ZNF613: variants seen among roughly 807,000 people sequenced by gnomAD.
ZNF613 encodes zinc finger protein 613.
Under a neutral mutation model 14.3 loss-of-function variants are expected in ZNF613, and 8 were observed. The ratio of observed to expected loss-of-function variants is 0.56; its 90% confidence interval spans 0.33 to 1.01. The LOEUF is 1.01. Ranked by LOEUF, ZNF613 falls within the 50% of genes least tolerant of loss-of-function variation. ZNF613 has a pLI of 0.03. For missense variants in ZNF613, 656 were observed against 741.9 expected (o/e 0.88, Z 1.35); for synonymous variants, 228 against 254.5 (o/e 0.90, Z 0.99).
chr19:51,942,465 A>G lies in ZNF613; in HGVS notation c.236-1654A>G, dbSNP rs142893913. On this transcript the variant is annotated intron_variant, in intron 5 of 5. Transcript: ENST00000293471. ...TCAGATGCCTTTGAGCAGCTGTATGACAGACATGAATACGTCCCCCTGGTG... is the reference window on the plus strand; with the variant it reads ...TCAGATGCCTTTGAGCAGCTGTATGGCAGACATGAATACGTCCCCCTGGTG... Among the ~76,000 whole-genome samples, 986 of 152,282 alleles carry G rather than the reference A, an allele frequency of 6.5e-3. 11 individuals carry two copies. Among genetic ancestry groups the G allele is most frequent in the African/African-American group, 0.022 (929 of 41,542 alleles).
intron 5 of ZNF613, among the ~76,000 whole-genome samples, chr19:51,942,532 A>ATGCTGTGTGTTTTTG (rs2085358076): frequency 1.3e-5 from 2 of 152,144 alleles, no homozygotes; most frequent in Non-Finnish European, 2.9e-5. Context: ...CCAAAGGCCC[A>ATGCTGTGTGTTTTTG]AGGCAGGTGT....
chr19:51,935,935 T>C, intron 2 of ZNF613, 93 bp from the exon 3 acceptor site: 1 of 358,826 alleles, frequency 2.8e-6, no homozygotes, highest in Non-Finnish European at 5.0e-6. Flanking sequence ...AAAGGGACAG[T>C]TAGAGATGGC....
chr19:51,940,193 G>C lies in ZNF613; in HGVS notation c.16-16G>C. 3 of 1,612,422 alleles carry C rather than the reference G, an allele frequency of 1.9e-6. No homozygotes were observed. The highest frequency in any genetic ancestry group is 1.7e-6 in the Non-Finnish European group (2 of 1,178,996). On this transcript the variant is annotated splice_polypyrimidine_tract_variant and intron_variant, in intron 3 of 5. Coordinates refer to ENST00000293471, the MANE Select transcript of ZNF613 (RefSeq NM_001031721.4). ...GAGAGAAATACTTCATATTAAGCAG[G>C]ACTCTCTTATTACAGGAATCACTGA...
At chr19:51,930,417 A>G (rs1384180760) in intron 2 of ZNF613, among the ~76,000 whole-genome samples, 2 of 152,084 alleles carry the variant, frequency 1.3e-5, no homozygotes, top group Non-Finnish European at 2.9e-5. Context: ...GCCTGCTACC[A>G]TGCATGGCTA....
In ZNF613 at chr19:51,937,512, C is replaced by T. The variant is rs141270469; in HGVS notation, c.15+1277C>T. Reference sequence around the variant, plus strand: ...CTAATGTTGGAACCTAATGTGTGACCGGAGCATCCTGTGGGTTATAGTAGC... The same window carrying T: ...CTAATGTTGGAACCTAATGTGTGACTGGAGCATCCTGTGGGTTATAGTAGC... On this transcript the variant is annotated intron_variant, in intron 3 of 5. Transcript: ENST00000293471. Among the ~76,000 whole-genome samples the T allele has an allele frequency of 1.5e-3, 222 of 152,132 alleles. 2 individuals are homozygous for T. The highest frequency in any genetic ancestry group is 4.5e-3 in the African/African-American group (186 of 41,498).
intron 2 of ZNF613, among the ~76,000 whole-genome samples, chr19:51,931,786 A>G (rs962572741): frequency 2.0e-5 from 3 of 152,198 alleles, no homozygotes; most frequent in African/African-American, 7.2e-5. Context: ...CCTGGCAACC[A>G]ACTATGTGCT....
rs1318223552 is a variant in ZNF613, at chr19:51,945,916, T to C, written c.*179T>C. On this transcript the variant is annotated 3_prime_UTR_variant, in exon 6 of 6. Coordinates refer to ENST00000293471, the MANE Select transcript of ZNF613 (RefSeq NM_001031721.4). ...TATGAAGTGGAGACTGGGAAATTCT[T>C]TTATGGGAAGATAGATCTTCTCATC... The C allele has an allele frequency of 3.1e-6, 2 of 645,990 alleles. No individual in the cohort carries two copies. The highest frequency in any genetic ancestry group is 5.6e-5 in the East Asian group (2 of 35,928). The allele number at this position is 645,990 out of a possible 1,614,324, so 40.0% of individuals were successfully genotyped here. A position where few individuals can be genotyped will look rare whatever the true frequency, so the allele number is the denominator to read the frequency against.
chr19:51,945,635 A>AT lies in ZNF613; in HGVS notation c.1754dup (p.Leu585PhefsTer3), dbSNP rs1462235941. 1 of 1,614,176 alleles carries AT rather than the reference A, an allele frequency of 6.2e-7. No individual in the cohort carries two copies. The highest frequency in any genetic ancestry group is 8.5e-7 in the Non-Finnish European group (1 of 1,180,016). On this transcript the variant is annotated frameshift_variant, in exon 6 of 6. Transcript: ENST00000293471. LOFTEE classifies it low-confidence loss of function (END_TRUNC). The stretch of plus-strand genomic sequence containing the variant: ...TGCCTTCTGTGGCAGCTCAGACCTC[A>AT]TTAACTAACAGTGCGTTCCAAGCAG...
At chr19:51,929,680 CTA>C (rs1330883646) in intron 1 of ZNF613, 50 bp from the exon 2 acceptor site, 1 of 152,098 alleles carries the variant, frequency 6.6e-6, no homozygotes, top group Non-Finnish European at 1.5e-5. Flanking sequence ...ACATATCTAT[CTA>C]TATATCATCC....
At chr19:51,938,727 T>G (rs959504549) in intron 3 of ZNF613, among the ~76,000 whole-genome samples, 9 of 129,128 alleles carry the variant, frequency 7.0e-5, no homozygotes, top group Non-Finnish European at 1.2e-4. Context: ...TGTACATGGA[T>G]ATATATATAT....
chr19:51,940,163 T>C (rs1018098261), intron 3 of ZNF613, 46 bp from the exon 4 acceptor site: 1 of 1,605,288 alleles, frequency 6.2e-7, no homozygotes, highest in African/African-American at 1.3e-5. Context: ...TTCTTCCATA[T>C]AAATGAGAGA....
rs1331889328 is a variant in ZNF613 at position 51,944,350 on chromosome 19, G to A, written c.467G>A (p.Gly156Glu). 1 of 1,596,210 alleles carries A rather than the reference G, an allele frequency of 6.3e-7. No individual in the cohort carries two copies. Among genetic ancestry groups the A allele is most frequent in the Non-Finnish European group, 8.6e-7 (1 of 1,167,386 alleles). The change falls in exon 6 of 6, where the codon GGG (glycine) becomes GAG (glutamate). Residue 156 changes from glycine (G) to glutamate (E), a missense_variant. Gly to Glu is a moderately conservative substitution (Grantham distance 98, BLOSUM62 -2). Transcript: ENST00000293471. ...AGGTATGAAATCAAGAATTCTGTGG[G>A]GGTTAATGGAGATGGGAAATCCTTC... is the stretch of plus-strand genomic sequence containing the variant. ...NKRYEIKNSV[G>E]VNGDGKSFLH...
At chr19:51,938,006 C>T (rs1434186209) in intron 3 of ZNF613, among the ~76,000 whole-genome samples, 1 of 152,058 alleles carries the variant, frequency 6.6e-6, no homozygotes, top group Non-Finnish European at 1.5e-5. Context: ...GTTGAGATTA[C>T]AGGCATGAGC....
In ZNF613 at chr19:51,945,804, A is replaced by T. The variant is rs771306578; in HGVS notation, c.*67A>T. On this transcript the variant is annotated 3_prime_UTR_variant, in exon 6 of 6. Coordinates refer to ENST00000293471, the MANE Select transcript of ZNF613 (RefSeq NM_001031721.4). Reference sequence around the variant, plus strand: ...TCAATTACATCATATGTCACAAAAAACACAGAGGAACAAACTGATATATTC... The same window carrying T: ...TCAATTACATCATATGTCACAAAAATCACAGAGGAACAAACTGATATATTC... The T allele has an allele frequency of 9.0e-6, 14 of 1,554,152 alleles. No homozygotes were observed. In the South Asian group the frequency reaches 1.5e-4, roughly 16 times the overall value.
At chr19:51,936,434 C>T (rs12462758) in intron 3 of ZNF613, among the ~76,000 whole-genome samples, 199 bp downstream of exon 3, 54,179 of 152,054 alleles carry the variant, frequency 0.36, 11,875 homozygotes, top group African/African-American at 0.62. Flanking sequence ...TAGAAAGATA[C>T]TTGGTCTTTG....
In ZNF613 at chr19:51,944,221, T is replaced by C. The variant is rs1332117165; in HGVS notation, c.338T>C (p.Ile113Thr). The part of the protein sequence containing the change: ...CHKHNAFGNI[I>T]HQRKSDFPLR... The stretch of plus-strand genomic sequence containing the variant: ...AAACATAATGCATTTGGAAACATCA[T>C]TCATCAGAGGAAAAGTGATTTTCCT... Residue 113 changes from isoleucine (I) to threonine (T), a missense_variant, in exon 6 of 6, where the codon ATT becomes ACT. By Grantham distance (89) the Ile-to-Thr change is moderately conservative. Transcript: ENST00000293471. 1 of 1,610,504 alleles carries C rather than the reference T, an allele frequency of 6.2e-7. No individual in the cohort carries two copies. The highest frequency in any genetic ancestry group is 1.7e-5 in the Admixed American group (1 of 59,678).
Position 51,944,372 on chromosome 19 carries a change from C to A in ZNF613, c.489C>A (p.Ser163=). The A allele has an allele frequency of 6.2e-7, 1 of 1,601,546 alleles. No individual in the cohort carries two copies. Among genetic ancestry groups the A allele is most frequent in the Non-Finnish European group, 8.5e-7 (1 of 1,170,476 alleles). ...TGGGGGTTAATGGAGATGGGAAATC[C>A]TTCCTTCATGCCAAGCATGAACAAT... ...NSVGVNGDGK[S]FLHAKHEQFH... is the part of the protein sequence containing the mutation. The change falls in exon 6 of 6, where the codon TCC becomes TCA. Residue 163 remains serine (S), a synonymous_variant. Coordinates refer to ENST00000293471, the MANE Select transcript of ZNF613 (RefSeq NM_001031721.4).
intron 5 of ZNF613, among the ~76,000 whole-genome samples, chr19:51,941,005 A>G (rs1432067113): frequency 6.6e-6 from 1 of 151,998 alleles, no homozygotes; most frequent in East Asian, 1.9e-4. Context: ...ATCTTGGCTC[A>G]CTGCATCCTC....
At chr19:51,931,260 G>A (rs117638541) in intron 2 of ZNF613, among the ~76,000 whole-genome samples, 2,851 of 152,218 alleles carry the variant, frequency 0.019, 47 homozygotes, top group Admixed American at 0.022. Context: ...ATCTCAAATG[G>A]AAGTATTCAA....
Sources: gnomAD v4.1 joint callset for allele counts (sites outside exome capture counted in the v4.1 genomes callset) on GRCh38, gnomAD v4.1.1 for gene constraint, MANE v1.5 for transcripts, NCBI Gene and HGNC (gene_info 2026-07-23, HGNC 2026-07-21) for gene names.